SLC7A14: variants seen among roughly 807,000 people sequenced by gnomAD.
SLC7A14 encodes the protein solute carrier family 7 member 14.
SLC7A14 carries 37 observed loss-of-function variants against 60.2 expected under a neutral mutation model. That is an observed-to-expected ratio of 0.61 (90% CI 0.47 to 0.81). The LOEUF is 0.81. SLC7A14 is among the 30% of genes least tolerant of loss of function. SLC7A14 has a pLI of 0.00. For synonymous variants in SLC7A14, 399 were observed against 395.8 expected (o/e 1.01, Z -0.10); for missense variants, 886 against 982.7 (o/e 0.90, Z 1.32).
intron 1 of SLC7A14, among the ~76,000 whole-genome samples, chr3:170,566,250 C>T (rs567094724): frequency 2.6e-5 from 4 of 152,248 alleles, no homozygotes; most frequent in African/African-American, 9.6e-5. Context: ...CCTCTCTGTA[C>T]CTCTGCTCAT....
intron 1 of SLC7A14, among the ~76,000 whole-genome samples, chr3:170,563,188 C>T (rs1025942059): frequency 2.0e-5 from 3 of 152,108 alleles, no homozygotes; most frequent in Non-Finnish European, 4.4e-5. Flanking sequence ...AGAATTGCAT[C>T]TCAACCTCTC....
intron 4 of SLC7A14, among the ~76,000 whole-genome samples, chr3:170,492,945 G>C (rs539720591): frequency 6.6e-6 from 1 of 152,328 alleles, no homozygotes; most frequent in Admixed American, 6.5e-5. Context: ...AGTGGAATGT[G>C]CTAATAGGTT....
At chr3:170,542,948 A>C (rs1005558110) in intron 1 of SLC7A14, among the ~76,000 whole-genome samples, 2 of 152,196 alleles carry the variant, frequency 1.3e-5, no homozygotes, top group African/African-American at 4.8e-5. Flanking sequence ...GATGCCTAGA[A>C]TCTCTTTGCT....
At chr3:170,557,974 A>C (rs1357111909) in intron 1 of SLC7A14, among the ~76,000 whole-genome samples, 2 of 152,178 alleles carry the variant, frequency 1.3e-5, no homozygotes, top group African/African-American at 4.8e-5. Context: ...CCTGATTATC[A>C]AAGGGGAAAT....
At chr3:170,531,390 C>A (rs936109336) in intron 1 of SLC7A14, among the ~76,000 whole-genome samples, 4 of 152,116 alleles carry the variant, frequency 2.6e-5, no homozygotes, top group Non-Finnish European at 5.9e-5. Flanking sequence ...CACCGAGAAA[C>A]AAACCAGCCT....
chr3:170,486,639 C>T (rs375398665), intron 4 of SLC7A14, among the ~76,000 whole-genome samples: 1,908 of 151,726 alleles, frequency 0.013, 47 homozygotes, highest in African/African-American at 0.043. Context: ...TTTGAGAGGC[C>T]GATGGGGGTG....
At chr3:170,523,236 G>A (rs549517734) in intron 2 of SLC7A14, among the ~76,000 whole-genome samples, 79 of 152,330 alleles carry the variant, frequency 5.2e-4, no homozygotes, top group Non-Finnish European at 7.5e-4. Flanking sequence ...AGGTCTCACA[G>A]CTAGTCAGTG....
At position 170,459,959 on chromosome 3, in the gene SLC7A14, AT is replaced by A; in HGVS notation, c.*7095del. The A allele has an allele frequency of 6.6e-6, 1 of 152,314 alleles. No homozygotes were observed. Among genetic ancestry groups the A allele is most frequent in the Non-Finnish European group, 1.5e-5 (1 of 68,016 alleles). The allele number at this position is 152,314 out of a possible 1,614,324, so 9.4% of individuals were successfully genotyped here. ...ATATACACATTTTGTTAAATTTAGA[AT>A]TTTCCCTTAGTATCTTGATAAATCA... is the stretch of plus-strand genomic sequence containing the variant. On this transcript the variant is annotated 3_prime_UTR_variant, in exon 8 of 8. Transcript: ENST00000231706.
At chr3:170,548,969 G>T (rs1036122975) in intron 1 of SLC7A14, among the ~76,000 whole-genome samples, 2 of 152,218 alleles carry the variant, frequency 1.3e-5, no homozygotes, top group Admixed American at 6.5e-5. Context: ...GGGCACTGTA[G>T]TGTCCCTGAT....
intron 1 of SLC7A14, among the ~76,000 whole-genome samples, chr3:170,581,000 G>A (rs1359303797): frequency 1.3e-5 from 2 of 152,142 alleles, no homozygotes; most frequent in African/African-American, 4.8e-5. Context: ...TCAAAGTGCG[G>A]GAGTAGGTCA....
chr3:170,543,702 G>C lies in SLC7A14; in HGVS notation c.-152-16614C>G, dbSNP rs140577697. Among the ~76,000 whole-genome samples the C allele has an allele frequency of 3.0e-3, 448 of 151,472 alleles. 3 individuals are homozygous for C. Among genetic ancestry groups the C allele is most frequent in the African/African-American group, 9.7e-3 (403 of 41,362 alleles). ...ACCACAGTCTCTCCAGGACCAAGAGGGTTGGGAAAGGGGATGGGCTAAACT... is the reference window on the plus strand; with the variant it reads ...ACCACAGTCTCTCCAGGACCAAGAGCGTTGGGAAAGGGGATGGGCTAAACT... On this transcript the variant is annotated intron_variant, in intron 1 of 7. Coordinates refer to ENST00000231706, the MANE Select transcript of SLC7A14 (RefSeq NM_020949.3).
At chr3:170,526,221 G>T (rs1238811548) in intron 2 of SLC7A14, among the ~76,000 whole-genome samples, 1 of 151,912 alleles carries the variant, frequency 6.6e-6, no homozygotes, top group African/African-American at 2.4e-5. Context: ...GGCCAAAATG[G>T]TGAAACCCCG....
chr3:170,472,288 G>C (rs535572002), intron 7 of SLC7A14, among the ~76,000 whole-genome samples: 2 of 151,118 alleles, frequency 1.3e-5, no homozygotes, highest in African/African-American at 4.9e-5. Flanking sequence ...AGAACTGCTT[G>C]AACCCAGGAG....
Position 170,571,798 on chromosome 3 carries a change from T to C in SLC7A14, c.-153+14113A>G, listed in dbSNP as rs540939888. Among the ~76,000 whole-genome samples, 4 of 152,242 alleles carry C rather than the reference T, an allele frequency of 2.6e-5. No individual in the cohort carries two copies. The South Asian group carries it at 8.3e-4, about 32-fold the overall frequency. The stretch of plus-strand genomic sequence containing the variant: ...AGACTTGGCCAGGCACGTTGGCTCA[T>C]GCCTGTAATCCCAGCACTTTGGGAG... On this transcript the variant is annotated intron_variant, in intron 1 of 7. Coordinates refer to ENST00000231706, the MANE Select transcript of SLC7A14 (RefSeq NM_020949.3).
intron 1 of SLC7A14, among the ~76,000 whole-genome samples, chr3:170,573,527 G>T (rs923820989): frequency 1.2e-4 from 19 of 152,210 alleles, no homozygotes; most frequent in African/African-American, 4.6e-4. Context: ...TTTGGTAAGG[G>T]GCTTTGGACA....
In SLC7A14 at chr3:170,483,519, T is replaced by A. The variant is rs1052066335; in HGVS notation, c.910A>T (p.Ser304Cys). 3 of 1,613,974 alleles carry A rather than the reference T, an allele frequency of 1.9e-6. No homozygotes were observed. Among genetic ancestry groups the A allele is most frequent in the Admixed American group, 3.3e-5 (2 of 59,996 alleles). ...GGCACCATCAGAGTTAAGATCACGC[T>A]CACCTGTTAAAACAAGAGAAGACAG... ...VICLTAYVSV[S>C]VILTLMVPYY... Residue 304 changes from serine to cysteine, a missense_variant, in exon 6 of 8, where the codon AGC becomes TGC. Ser to Cys is a moderately radical substitution (Grantham distance 112). Transcript: ENST00000231706.
chr3:170,527,017 T>TA lies in SLC7A14; in HGVS notation c.-82dup. On this transcript the variant is annotated 5_prime_UTR_variant, in exon 2 of 8. Transcript: ENST00000231706. ...TTAGTGGATGGTTCTGGAACTCATCTAGTGAACAGGGATCTCCCTTTTAGG... is the reference window on the plus strand; with the variant it reads ...TTAGTGGATGGTTCTGGAACTCATCTAAGTGAACAGGGATCTCCCTTTTAGG... 7.0e-7 allele frequency: 1 copy of TA among 1,433,022 alleles called. No homozygotes were observed. Among genetic ancestry groups the TA allele is most frequent in the Non-Finnish European group, 9.4e-7 (1 of 1,066,286 alleles). The allele number at this position is 1,433,022 out of a possible 1,614,324, so 88.8% of individuals were successfully genotyped here.
chr3:170,501,689 C>CT (rs1190476560), intron 2 of SLC7A14, among the ~76,000 whole-genome samples: 1 of 152,190 alleles, frequency 6.6e-6, no homozygotes. Flanking sequence ...GACCCCCACC[C>CT]TAGATGGCAC....
chr3:170,574,981 G>T (rs1436344138), intron 1 of SLC7A14, among the ~76,000 whole-genome samples: 1 of 149,034 alleles, frequency 6.7e-6, no homozygotes. Context: ...AATGCTTATT[G>T]AATGAAGGGT....
Sources: allele counts gnomAD v4.1 joint callset (sites outside exome capture counted in the v4.1 genomes callset), GRCh38; gene constraint gnomAD v4.1.1; transcripts MANE v1.5; gene names NCBI Gene and HGNC (gene_info 2026-07-23, HGNC 2026-07-21).